ADAMTS2: variants seen among roughly 807,000 people sequenced by gnomAD.
ADAMTS2 encodes A disintegrin and metalloproteinase with thrombospondin motifs 2.
ADAMTS2 carries 50 observed loss-of-function variants against 123.0 expected under a neutral mutation model. The ratio of observed to expected loss-of-function variants is 0.41; its 90% CI spans 0.32 to 0.51. The LOEUF is 0.51. Ranked by LOEUF, ADAMTS2 falls within the 20% of genes least tolerant of loss-of-function variation. The pLI is 0.35. For missense variants in ADAMTS2, 1,494 were observed against 1,705.2 expected, an observed-to-expected ratio of 0.88 and a Z score of 2.18; for synonymous variants, 678 against 695.4, an observed-to-expected ratio of 0.98 and a Z score of 0.39.
chr5:179,184,043 G>A (rs1764108616), intron 4 of ADAMTS2, among the ~76,000 whole-genome samples: 1 of 152,150 alleles, frequency 6.6e-6, no homozygotes, highest in African/African-American at 2.4e-5. Context: ...TGTGGGAAAT[G>A]AATTCCTGTG....
intron 3 of ADAMTS2, among the ~76,000 whole-genome samples, chr5:179,208,558 T>C (rs1435755589): frequency 1.3e-5 from 2 of 152,116 alleles, no homozygotes; most frequent in Non-Finnish European, 2.9e-5. Flanking sequence ...CCGGATATCG[T>C]CCCTGCCTTC....
chr5:179,344,877 T>TC (rs1355021901), intron 1 of ADAMTS2, among the ~76,000 whole-genome samples: 3 of 151,812 alleles, frequency 2.0e-5, no homozygotes, highest in Non-Finnish European at 4.4e-5. Context: ...TCGCCCTGGC[T>TC]CCCCCCTCGG....
At chr5:179,313,300 T>A (rs1333093681) in intron 2 of ADAMTS2, among the ~76,000 whole-genome samples, 12 of 2,602 alleles carry the variant, frequency 4.6e-3, no homozygotes, top group East Asian at 0.029. Context: ...ATGCACACAC[T>A]CACACCGAGA....
At chr5:179,240,639 A>G (rs1458412286) in intron 3 of ADAMTS2, among the ~76,000 whole-genome samples, 3 of 152,224 alleles carry the variant, frequency 2.0e-5, no homozygotes, top group Admixed American at 6.5e-5. Flanking sequence ...AAACCTTGAC[A>G]GCTGTGGTCA....
intron 3 of ADAMTS2, among the ~76,000 whole-genome samples, chr5:179,209,028 C>T (rs1764786939): frequency 6.6e-6 from 1 of 152,230 alleles, no homozygotes; most frequent in Non-Finnish European, 1.5e-5. Context: ...CTGCCTCTTC[C>T]AGGCAGGGAC....
At chr5:179,282,971 C>T (rs938860157) in intron 2 of ADAMTS2, among the ~76,000 whole-genome samples, 8 of 152,104 alleles carry the variant, frequency 5.3e-5, no homozygotes, top group Admixed American at 2.6e-4. Flanking sequence ...ACTCTGGGCC[C>T]TGGGAGAGGG....
At chr5:179,310,164 C>G (rs1448852995) in intron 2 of ADAMTS2, among the ~76,000 whole-genome samples, 2 of 152,230 alleles carry the variant, frequency 1.3e-5, no homozygotes, top group Non-Finnish European at 2.9e-5. Context: ...GTCCCATGTC[C>G]CCACAGCGCT....
intron 2 of ADAMTS2, among the ~76,000 whole-genome samples, chr5:179,291,966 A>G (rs1756201373): frequency 6.6e-6 from 1 of 151,480 alleles, no homozygotes; most frequent in African/African-American, 2.4e-5. Flanking sequence ...CTGATGTTGA[A>G]CTCCTGGGCT....
At chr5:179,177,134 C>G (rs936565778) in intron 5 of ADAMTS2, among the ~76,000 whole-genome samples, 7 of 152,214 alleles carry the variant, frequency 4.6e-5, no homozygotes, top group Admixed American at 4.6e-4. Flanking sequence ...CCCAGCACAG[C>G]ACTTCCCACA....
intron 3 of ADAMTS2, among the ~76,000 whole-genome samples, chr5:179,241,899 C>G (rs1173791724): frequency 6.6e-6 from 1 of 152,178 alleles, no homozygotes; most frequent in African/African-American, 2.4e-5. Context: ...TAGCCCCTTT[C>G]CGCCAGCGGG....
In ADAMTS2 at chr5:179,188,373, A is replaced by T. The variant is rs111415058; in HGVS notation, c.892-7218T>A. Among the ~76,000 whole-genome samples, 1,566 of 152,240 alleles carry T rather than the reference A, an allele frequency of 0.01. 35 individuals are homozygous for T. Among genetic ancestry groups the T allele is most frequent in the African/African-American group, 0.036 (1,500 of 41,548 alleles). Reference sequence around the variant, plus strand: ...CGGAGGCCAGGCTTGGACCACCAGGATGGAGGCAGAGAAGAGAGTGCAGCC... The same window carrying T: ...CGGAGGCCAGGCTTGGACCACCAGGTTGGAGGCAGAGAAGAGAGTGCAGCC... On this transcript the variant is annotated intron_variant, in intron 4 of 21. Transcript: ENST00000251582. This position sits in a 1 kb window ranked among gnomAD's most constrained non-coding sequence, Gnocchi z 5.1.
chr5:179,223,362 ACACT>A (rs59376923), intron 3 of ADAMTS2, among the ~76,000 whole-genome samples: 11,767 of 145,136 alleles, frequency 0.081, 544 homozygotes, highest in Admixed American at 0.13. Context: ...ATGCACTCAG[ACACT>A]CACAAACACG....
At chr5:179,139,744 G>T in intron 11 of ADAMTS2, 146 bp downstream of exon 11, 1 of 1,239,626 alleles carries the variant, frequency 8.1e-7, no homozygotes, top group Non-Finnish European at 1.1e-6. Flanking sequence ...TCCCAGGTAG[G>T]GTGAGGCAGG....
Position 179,155,217 on chromosome 5 carries a change from G to A in ADAMTS2, c.1133-298C>T, listed in dbSNP as rs1043090439. Among the ~76,000 whole-genome samples, 1 of 152,038 alleles carries A rather than the reference G, an allele frequency of 6.6e-6. No homozygotes were observed. Among genetic ancestry groups the A allele is most frequent in the African/African-American group, 2.4e-5 (1 of 41,456 alleles). On this transcript the variant is annotated intron_variant, in intron 6 of 21. Coordinates refer to ENST00000251582, the MANE Select transcript of ADAMTS2 (RefSeq NM_014244.5). The surrounding 1 kb of genome is among the most constrained non-coding windows in gnomAD (Gnocchi z 5.1). Reference sequence around the variant, plus strand: ...AGTCAGATGTCACCTGCTATGGCTTGTCTGACACCTGACTTTCCTGCCTGC... The same window carrying A: ...AGTCAGATGTCACCTGCTATGGCTTATCTGACACCTGACTTTCCTGCCTGC...
In ADAMTS2 at chr5:179,231,855, C is replaced by T. The variant is rs1008523047; in HGVS notation, c.689-24140G>A. 3.5e-4 allele frequency among the ~76,000 whole-genome samples: 52 copies of T among 148,552 alleles called. 1 individual carries two copies. The highest frequency in any genetic ancestry group is 3.5e-3 in the Middle Eastern group (1 of 286). On this transcript the variant is annotated intron_variant, in intron 3 of 21. Transcript: ENST00000251582. ...ACTTGAGTACCAGAGTTAGAGGCTGCAGTGAGCCATGATTGTGCCACTGCA... is the reference window on the plus strand; with the variant it reads ...ACTTGAGTACCAGAGTTAGAGGCTGTAGTGAGCCATGATTGTGCCACTGCA...
chr5:179,300,826 A>C (rs1756495013), intron 2 of ADAMTS2, among the ~76,000 whole-genome samples: 7 of 152,238 alleles, frequency 4.6e-5, no homozygotes, highest in Admixed American at 4.6e-4. Flanking sequence ...ATTCAGTAAC[A>C]GTCTGAGAAA....
chr5:179,114,772 C>G (rs1762629359), intron 21 of ADAMTS2, among the ~76,000 whole-genome samples: 1 of 152,168 alleles, frequency 6.6e-6, no homozygotes, highest in Non-Finnish European at 1.5e-5. Context: ...GTAACTATAA[C>G]AAAATTAAAC....
intron 2 of ADAMTS2, among the ~76,000 whole-genome samples, chr5:179,286,965 C>T (rs1347994605): frequency 2.6e-5 from 4 of 152,162 alleles, no homozygotes; most frequent in African/African-American, 9.7e-5. Flanking sequence ...TTAATTATCT[C>T]TTTAAAGACC....
chr5:179,272,048 C>T lies in ADAMTS2; in HGVS notation c.688+863G>A, dbSNP rs561826348. Among the ~76,000 whole-genome samples, 1 of 152,346 alleles carries T rather than the reference C, an allele frequency of 6.6e-6. No individual in the cohort carries two copies. The highest frequency in any genetic ancestry group is 1.9e-4 in the East Asian group (1 of 5,174). On this transcript the variant is annotated intron_variant, in intron 3 of 21. Coordinates refer to ENST00000251582, the MANE Select transcript of ADAMTS2 (RefSeq NM_014244.5). The surrounding 1 kb of genome is among the most constrained non-coding windows in gnomAD (Gnocchi z 5.8). ...GCTGAGCTCGCAGCTTCCCACTCTC[C>T]CAGCAAGAGCCAAGCACAGGCCAGG...
Sources: allele counts gnomAD v4.1 joint callset (sites outside exome capture counted in the v4.1 genomes callset), GRCh38; gene constraint gnomAD v4.1.1; non-coding constraint Gnocchi (gnomAD v3.1); transcripts MANE v1.5; gene names NCBI Gene and HGNC (gene_info 2026-07-23, HGNC 2026-07-21).